SACS: variants seen among roughly 807,000 people sequenced by gnomAD.
SACS encodes the protein sacsin molecular chaperone.
In SACS, 197 loss-of-function variants were observed where a neutral mutation model predicts 348.0. That is an observed-to-expected ratio of 0.57 (90% CI 0.50 to 0.64). The LOEUF is 0.64. Ranked by LOEUF, SACS falls within the 30% of genes least tolerant of loss-of-function variation. SACS has a pLI of 0.00. For missense variants in SACS, 4,999 were observed against 5,360.8 expected, an observed-to-expected ratio of 0.93 and a Z score of 2.11; for synonymous variants, 1,985 against 1,910.6, an observed-to-expected ratio of 1.04 and a Z score of -1.02.
chr13:23,414,852 C>T (rs1044958146), intron 1 of SACS, among the ~76,000 whole-genome samples: 1 of 152,174 alleles, frequency 6.6e-6, no homozygotes, highest in African/African-American at 2.4e-5. Flanking sequence ...TTCTGACTTA[C>T]ACTGCTTGGC....
chr13:23,340,637 G>A lies in SACS; in HGVS notation c.3239C>T (p.Ser1080Leu), dbSNP rs757367154. The A allele has an allele frequency of 1.2e-6, 2 of 1,607,168 alleles. No individual in the cohort carries two copies. The highest frequency in any genetic ancestry group is 1.7e-6 in the Non-Finnish European group (2 of 1,178,186). Reference protein sequence around the residue: ...GTYFPPSVFTSPDILHSLRQI... With the variant: ...GTYFPPSVFTLPDILHSLRQI... ...TCTTAAGGAGTGAAGAATATCTGGT[G>A]AGGTAAAAACTGAGGGTGGGAAATA... is the stretch of plus-strand genomic sequence containing the variant. The change falls in exon 10 of 10, where the codon TCA becomes TTA. Residue 1080 changes from serine (S) to leucine (L), a missense_variant. This residue lies in a region of SACS where 3,156 missense variants were observed against 3,380.1 expected (regional missense o/e 0.93). Transcript: ENST00000382292.
chr13:23,427,827 CCGAGGA>C (rs909000978), intron 1 of SACS: 43 of 152,332 alleles, frequency 2.8e-4, no homozygotes, highest in African/African-American at 1.0e-3. Flanking sequence ...TGGCTGGTCC[CCGAGGA>C]CGAGGACGGG....
At chr13:23,387,999 G>T (rs1247676354) in intron 2 of SACS, among the ~76,000 whole-genome samples, 2 of 152,164 alleles carry the variant, frequency 1.3e-5, no homozygotes, top group African/African-American at 2.4e-5. Flanking sequence ...CTGCTGATGG[G>T]AATGTAAATT....
At chr13:23,361,300 A>T (rs1295388431) in intron 6 of SACS, among the ~76,000 whole-genome samples, 1 of 152,192 alleles carries the variant, frequency 6.6e-6, no homozygotes, top group African/African-American at 2.4e-5. Flanking sequence ...TTTTTAATCA[A>T]GGTATAATTC....
At chr13:23,397,345 G>A (rs1332841526) in intron 2 of SACS, among the ~76,000 whole-genome samples, 2 of 152,144 alleles carry the variant, frequency 1.3e-5, no homozygotes, top group African/African-American at 4.8e-5. Context: ...GACAAAACTT[G>A]AATAACTATA....
At chr13:23,425,329 G>A (rs1208721802) in intron 1 of SACS, among the ~76,000 whole-genome samples, 1 of 151,700 alleles carries the variant, frequency 6.6e-6, no homozygotes, top group East Asian at 1.9e-4. Context: ...GTCCACCTGG[G>A]GCCTGGTATT....
chr13:23,340,058 A>G lies in SACS; in HGVS notation c.3818T>C (p.Leu1273Ser). The G allele has an allele frequency of 1.2e-5, 20 of 1,614,052 alleles. No individual in the cohort carries two copies. Among genetic ancestry groups the G allele is most frequent in the Non-Finnish European group, 1.7e-5 (20 of 1,179,968 alleles). ...LNEGKDSFRA[L>S]KFPWVWTGKK... ...GCCAGTCCAAACCCATGGAAATTTT[A>G]AGGCTCTAAAAGAATCTTTCCCTTC... The change falls in exon 10 of 10, where the codon TTA becomes TCA. Residue 1273 changes from leucine to serine, a missense_variant. Physicochemically the swap from Leu to Ser is moderately radical, Grantham distance 145. Transcript: ENST00000382292.
chr13:23,359,340 T>C (rs1371404674), intron 6 of SACS, among the ~76,000 whole-genome samples: 1 of 152,194 alleles, frequency 6.6e-6, no homozygotes, highest in Non-Finnish European at 1.5e-5. Flanking sequence ...CAATTTATTT[T>C]AAAAAATAAA....
At chr13:23,349,807 T>C (rs565479111) in intron 9 of SACS, among the ~76,000 whole-genome samples, 1 of 152,286 alleles carries the variant, frequency 6.6e-6, no homozygotes, top group Admixed American at 6.5e-5. Context: ...GAAAATTTGT[T>C]CAAAGTCACA....
intron 9 of SACS, among the ~76,000 whole-genome samples, chr13:23,349,034 ACAAT>A (rs1869790676): frequency 1.3e-5 from 2 of 152,230 alleles, no homozygotes; most frequent in Admixed American, 6.5e-5. Context: ...ATGGAAGTTT[ACAAT>A]CATGGAAAGT....
chr13:23,355,607 C>A lies in SACS; in HGVS notation c.1005G>T (p.Ser335=). Residue 335 remains serine (S), a synonymous_variant, in exon 8 of 10, where the codon TCG becomes TCT. Transcript: ENST00000382292. ...CATGTTTCAGTGCCTTACTCTCACT[C>A]GAAGTCACTCTAAACACCAGTTTCT... is the stretch of plus-strand genomic sequence containing the variant. ...GTEKLVFRVT[S]SESKALKHER... 6.2e-7 allele frequency: 1 copy of A among 1,614,164 alleles called. No individual in the cohort carries two copies. The highest frequency in any genetic ancestry group is 8.5e-7 in the Non-Finnish European group (1 of 1,180,040).
At chr13:23,361,223 C>A (rs1162960893) in intron 6 of SACS, among the ~76,000 whole-genome samples, 1 of 152,210 alleles carries the variant, frequency 6.6e-6, no homozygotes, top group East Asian at 1.9e-4. Flanking sequence ...GCAGAGCATA[C>A]AGACAGCCCT....
chr13:23,330,632 T>C lies in SACS; in HGVS notation c.13244A>G (p.Gln4415Arg), dbSNP rs772374399. The C allele has an allele frequency of 6.0e-5, 97 of 1,613,962 alleles. No individual in the cohort carries two copies. Among genetic ancestry groups the C allele is most frequent in the Non-Finnish European group, 7.8e-5 (92 of 1,180,010 alleles). The change falls in exon 10 of 10, where the codon CAG becomes CGG. Residue 4415 changes from glutamine (Q) to arginine (R), a missense_variant. Transcript: ENST00000382292. ...ATSHKSERQQ[Q>R]NKEKCPPSAG... ...TGAAGGGGGGCATTTTTCTTTGTTCTGTTGCTGTCTTTCAGATTTATGGCT... is the reference window on the plus strand; with the variant it reads ...TGAAGGGGGGCATTTTTCTTTGTTCCGTTGCTGTCTTTCAGATTTATGGCT...
intron 1 of SACS, among the ~76,000 whole-genome samples, chr13:23,416,603 C>T (rs7338731): frequency 0.3 from 44,705 of 151,388 alleles, 7,056 homozygotes; most frequent in East Asian, 0.46. Flanking sequence ...ACTAAAAATA[C>T]AAAATTAGCT....
At chr13:23,366,517 T>C (rs997867488) in intron 5 of SACS, among the ~76,000 whole-genome samples, 4 of 152,194 alleles carry the variant, frequency 2.6e-5, no homozygotes, top group African/African-American at 9.6e-5. Flanking sequence ...TTATTTACAT[T>C]AGGATATTAT....
At chr13:23,374,103 A>T (rs1871591428) in intron 3 of SACS, 1 of 152,230 alleles carries the variant, frequency 6.6e-6, no homozygotes, top group Non-Finnish European at 1.5e-5. Flanking sequence ...TGAACTCTTT[A>T]AAAAAGTAAA....
chr13:23,396,123 C>T (rs754757714), intron 2 of SACS, among the ~76,000 whole-genome samples: 37 of 151,826 alleles, frequency 2.4e-4, no homozygotes, highest in Admixed American at 3.9e-4. Context: ...CAGGAGTTCG[C>T]GACCAGCCTG....
chr13:23,375,560 C>G (rs1247626484), intron 2 of SACS: 12 of 1,040,294 alleles, frequency 1.2e-5, no homozygotes, highest in Non-Finnish European at 1.4e-5. Flanking sequence ...GCGGGGACTG[C>G]GCGCTCCCGG....
intron 5 of SACS, among the ~76,000 whole-genome samples, chr13:23,365,842 A>T (rs918942130): frequency 6.6e-6 from 1 of 152,128 alleles, no homozygotes; most frequent in African/African-American, 2.4e-5. Flanking sequence ...GTCAGGACTG[A>T]CTCATTCCTT....
Sources: gnomAD v4.1 joint callset for allele counts (sites outside exome capture counted in the v4.1 genomes callset) on GRCh38, gnomAD v4.1.1 for gene constraint, gnomAD v4.1.1 regional missense constraint, MANE v1.5 for transcripts, NCBI Gene and HGNC (gene_info 2026-07-23, HGNC 2026-07-21) for gene names.